Variants in CTNND2 observed in about 807,000 individuals in gnomAD.
CTNND2 encodes the protein catenin delta-2.
CTNND2 carries 22 observed loss-of-function variants against 144.4 expected under a neutral mutation model. The observed-to-expected ratio is 0.15, with a 90% confidence interval of 0.11 to 0.22. The LOEUF (loss-of-function observed/expected upper bound fraction) is 0.22. Ranked by LOEUF, CTNND2 falls within the 10% of genes least tolerant of loss-of-function variation. The probability of loss-of-function intolerance (pLI) is 1.00; values close to 1 mark genes in which losing one functional copy is unlikely to be tolerated. For synonymous variants in CTNND2, 751 were observed against 695.6 expected, an observed-to-expected ratio of 1.08 and a Z score of -1.25; for missense variants, 1,353 against 1,618.8, an observed-to-expected ratio of 0.84 and a Z score of 2.82.
intron 10 of CTNND2, among the ~76,000 whole-genome samples, chr5:11,223,829 C>A (rs1398590000): frequency 6.6e-6 from 1 of 152,106 alleles, no homozygotes; most frequent in Non-Finnish European, 1.5e-5. Context: ...ATGCTAGAAT[C>A]AGCTTAGGTT....
intron 3 of CTNND2, among the ~76,000 whole-genome samples, chr5:11,437,783 T>C (rs1445786646): frequency 2.6e-5 from 4 of 152,188 alleles, no homozygotes; most frequent in Admixed American, 6.5e-5. Flanking sequence ...AATGTCAATA[T>C]TTGGCATTTA....
At chr5:11,648,897 T>G (rs551820338) in intron 2 of CTNND2, among the ~76,000 whole-genome samples, 1 of 152,238 alleles carries the variant, frequency 6.6e-6, no homozygotes, top group Non-Finnish European at 1.5e-5. Context: ...GATTTCATAT[T>G]TTATTTTCAG....
At chr5:11,814,197 G>C (rs1792503465) in intron 1 of CTNND2, among the ~76,000 whole-genome samples, 1 of 152,158 alleles carries the variant, frequency 6.6e-6, no homozygotes, top group South Asian at 2.1e-4. Context: ...ATTAAATCAT[G>C]CCAATGTAGA....
At chr5:11,200,770 C>T (rs936844145) in intron 10 of CTNND2, among the ~76,000 whole-genome samples, 11 of 152,328 alleles carry the variant, frequency 7.2e-5, no homozygotes, top group Non-Finnish European at 5.9e-5. Flanking sequence ...GCTCCGCCTC[C>T]CGGGTTCACG....
At chr5:11,012,731 A>G (rs1368039768) in intron 18 of CTNND2, among the ~76,000 whole-genome samples, 1 of 152,184 alleles carries the variant, frequency 6.6e-6, no homozygotes, top group African/African-American at 2.4e-5. Flanking sequence ...GTATTTCACC[A>G]AATTGTAGGA....
At chr5:11,432,429 G>T (rs928094955) in intron 3 of CTNND2, among the ~76,000 whole-genome samples, 1 of 152,086 alleles carries the variant, frequency 6.6e-6, no homozygotes, top group Non-Finnish European at 1.5e-5. Context: ...TGGCATGGCC[G>T]ATTTCTAACA....
At chr5:11,272,659 A>G (rs1746140981) in intron 9 of CTNND2, among the ~76,000 whole-genome samples, 1 of 152,312 alleles carries the variant, frequency 6.6e-6, no homozygotes, top group Middle Eastern at 3.4e-3. Flanking sequence ...TGCTAATCCA[A>G]TCAGGTCATG....
chr5:11,288,929 TAAC>T lies in CTNND2; in HGVS notation c.1629-52109_1629-52107del, dbSNP rs1748027530. Among the ~76,000 whole-genome samples, 3 of 151,936 alleles carry T rather than the reference TAAC, an allele frequency of 2.0e-5. No homozygotes were observed. In the South Asian group the frequency reaches 6.2e-4, roughly 32 times the overall value. On this transcript the variant is annotated intron_variant, in intron 9 of 21. Transcript: ENST00000304623. ...ACCTTTAGGGGTGCCAAGGATGTTG[TAAC>T]TTCAAATGCTGTCAAATGTGGAAAC...
intron 9 of CTNND2, among the ~76,000 whole-genome samples, chr5:11,323,194 C>A (rs1752203627): frequency 6.8e-6 from 1 of 146,934 alleles, no homozygotes; most frequent in African/African-American, 2.5e-5. Context: ...TGCACCACCA[C>A]TGCCCAGCAA....
At chr5:11,160,045 C>T (rs916497433) in intron 11 of CTNND2, among the ~76,000 whole-genome samples, 1 of 152,224 alleles carries the variant, frequency 6.6e-6, no homozygotes, top group East Asian at 1.9e-4. Flanking sequence ...ACCAACAACG[C>T]TTCTGTTCCA....
chr5:11,531,502 T>C (rs951667874), intron 3 of CTNND2, among the ~76,000 whole-genome samples: 4 of 152,130 alleles, frequency 2.6e-5, no homozygotes, highest in Non-Finnish European at 4.4e-5. Flanking sequence ...GGCAGGCACC[T>C]GTAGTCCCAG....
At chr5:11,213,623 A>G (rs1738868707) in intron 10 of CTNND2, among the ~76,000 whole-genome samples, 1 of 152,102 alleles carries the variant, frequency 6.6e-6, no homozygotes, top group African/African-American at 2.4e-5. Flanking sequence ...GAAATTTACA[A>G]AATTATGTAC....
intron 13 of CTNND2, 79 bp from the exon 14 acceptor site, chr5:11,111,122 C>G (rs1752925195): frequency 2.1e-6 from 3 of 1,433,014 alleles, no homozygotes; most frequent in Admixed American, 2.0e-5. Context: ...GGAAAGGCCT[C>G]TTTCTCCATG....
chr5:11,048,554 C>A (rs1484346109), intron 16 of CTNND2, among the ~76,000 whole-genome samples: 1 of 152,180 alleles, frequency 6.6e-6, no homozygotes, highest in Admixed American at 6.5e-5. Context: ...AACCATCCAC[C>A]CCATGGATGC....
At chr5:11,879,776 T>C (rs1380440380) in intron 1 of CTNND2, among the ~76,000 whole-genome samples, 2 of 152,150 alleles carry the variant, frequency 1.3e-5, no homozygotes, top group African/African-American at 4.8e-5. Context: ...TTCTCAAAAG[T>C]ACACAAAATG....
chr5:11,635,678 TA>T (rs1781648853), intron 2 of CTNND2, among the ~76,000 whole-genome samples: 1 of 152,192 alleles, frequency 6.6e-6, no homozygotes, highest in Non-Finnish European at 1.5e-5. Context: ...TTCTGTACTA[TA>T]GTAAATCAGT....
chr5:11,662,553 T>C (rs1783329298), intron 2 of CTNND2, among the ~76,000 whole-genome samples: 1 of 152,054 alleles, frequency 6.6e-6, no homozygotes, highest in African/African-American at 2.4e-5. Context: ...TAAAATGGTG[T>C]CCACCCAGAT....
At chr5:11,201,426 G>A (rs1012324017) in intron 10 of CTNND2, among the ~76,000 whole-genome samples, 4 of 152,166 alleles carry the variant, frequency 2.6e-5, no homozygotes, top group Non-Finnish European at 5.9e-5. Context: ...TTTGTGAACA[G>A]CCAAGGATGT....
chr5:11,718,166 C>T (rs1340002847), intron 2 of CTNND2, among the ~76,000 whole-genome samples: 2 of 152,072 alleles, frequency 1.3e-5, no homozygotes, highest in South Asian at 2.1e-4. Context: ...TTCCATATTC[C>T]AGGCACTACG....
Sources: gnomAD v4.1 joint callset for allele counts (sites outside exome capture counted in the v4.1 genomes callset) on GRCh38, gnomAD v4.1.1 for gene constraint, MANE v1.5 for transcripts, NCBI Gene and HGNC (gene_info 2026-07-23, HGNC 2026-07-21) for gene names.